The following DGKI variants were observed in gnomAD, a reference collection of about 807,000 sequenced individuals.
The protein encoded by DGKI is diacylglycerol kinase iota.
DGKI carries 55 observed loss-of-function variants against 147.5 expected under a neutral mutation model. That is an observed-to-expected ratio of 0.37 (90% CI 0.30 to 0.47). The LOEUF (loss-of-function observed/expected upper bound fraction) is 0.47, where lower values mean the gene tolerates loss of function less well. Among genes scored for constraint, DGKI ranks in the 20% least tolerant of loss-of-function variants. The pLI, the probability that DGKI is intolerant of heterozygous loss-of-function variation, is 1.00. For missense variants in DGKI, 1,007 were observed against 1,323.8 expected (o/e 0.76, Z 3.71); for synonymous variants, 469 against 477.1 (o/e 0.98, Z 0.22).
intron 20 of DGKI, among the ~76,000 whole-genome samples, chr7:137,523,434 T>TTC (rs372390366): frequency 6.0e-4 from 90 of 150,170 alleles, no homozygotes; most frequent in Middle Eastern, 7.0e-3. Flanking sequence ...CTCTCTCTCT[T>TTC]TCTCTCTCTC....
At chr7:137,487,540 A>G in intron 22 of DGKI, 70 bp downstream of exon 22, 1 of 1,351,292 alleles carries the variant, frequency 7.4e-7, no homozygotes, top group Non-Finnish European at 1.1e-6. Flanking sequence ...AGAAGCAAAT[A>G]TATATGGCTG....
At chr7:137,621,800 A>G (rs1047516048) in intron 7 of DGKI, among the ~76,000 whole-genome samples, 2 of 152,340 alleles carry the variant, frequency 1.3e-5, no homozygotes, top group African/African-American at 4.8e-5. Context: ...AATTAATTGA[A>G]TCTGGATAGA....
chr7:137,714,080 A>G (rs996543623), intron 1 of DGKI, among the ~76,000 whole-genome samples: 1 of 152,232 alleles, frequency 6.6e-6, no homozygotes, highest in African/African-American at 2.4e-5. Flanking sequence ...GGTATAATTT[A>G]TTTGAATGTA....
intron 1 of DGKI, among the ~76,000 whole-genome samples, chr7:137,828,250 T>A (rs1798116890): frequency 6.6e-6 from 1 of 152,268 alleles, no homozygotes; most frequent in Non-Finnish European, 1.5e-5. Context: ...GAAACAACTT[T>A]AAGGTAAAAA....
chr7:137,427,468 C>T (rs1812865871), intron 28 of DGKI, among the ~76,000 whole-genome samples: 1 of 152,032 alleles, frequency 6.6e-6, no homozygotes, highest in South Asian at 2.1e-4. Flanking sequence ...AAAATTGACA[C>T]CCTAACATCA....
chr7:137,441,285 G>A (rs1585118296), intron 28 of DGKI, among the ~76,000 whole-genome samples: 1 of 152,002 alleles, frequency 6.6e-6, no homozygotes. Context: ...GCCGGGCATG[G>A]TGGCGGCCGC....
rs185475062 is a variant in DGKI, at chr7:137,466,617, G to C, written c.2484+285C>G. Among the ~76,000 whole-genome samples the C allele has an allele frequency of 2.6e-5, 4 of 152,250 alleles. No homozygotes were observed. The East Asian group carries it at 7.7e-4, about 29-fold the overall frequency. On this transcript the variant is annotated intron_variant, in intron 25 of 32. Coordinates refer to ENST00000614521, the MANE Select transcript of DGKI (RefSeq NM_001321708.2). Reference sequence around the variant, plus strand: ...AGACATGAAATTTGGCTAAAAAGGAGTAAAAATATCTTTGTGAATGAAAAT... The same window carrying C: ...AGACATGAAATTTGGCTAAAAAGGACTAAAAATATCTTTGTGAATGAAAAT...
intron 28 of DGKI, among the ~76,000 whole-genome samples, chr7:137,432,008 C>T (rs528126957): frequency 3.6e-4 from 55 of 152,260 alleles, no homozygotes; most frequent in Non-Finnish European, 6.8e-4. Context: ...GGTGTTCTCA[C>T]GATAGTGAGT....
At chr7:137,532,647 C>G (rs1347204781) in intron 20 of DGKI, among the ~76,000 whole-genome samples, 2 of 152,166 alleles carry the variant, frequency 1.3e-5, no homozygotes, top group East Asian at 3.9e-4. Context: ...CAGATGTGTT[C>G]CCACCAGCCC....
At chr7:137,407,300 A>T (rs1158803580) in intron 30 of DGKI, among the ~76,000 whole-genome samples, 2 of 152,244 alleles carry the variant, frequency 1.3e-5, no homozygotes, top group African/African-American at 4.8e-5. Context: ...ACGATCTGGC[A>T]CCAACTATTA....
At chr7:137,679,258 A>C (rs964868025) in intron 2 of DGKI, among the ~76,000 whole-genome samples, 7 of 152,152 alleles carry the variant, frequency 4.6e-5, no homozygotes, top group Non-Finnish European at 1.0e-4. Flanking sequence ...TTACTTCTCA[A>C]TTTTTCAAAC....
intron 28 of DGKI, among the ~76,000 whole-genome samples, chr7:137,418,512 T>C (rs1812443287): frequency 6.6e-6 from 1 of 152,212 alleles, no homozygotes; most frequent in Non-Finnish European, 1.5e-5. Context: ...ATACAGAACT[T>C]GGCAAAGCCA....
chr7:137,691,798 G>GTTTTTTTTTTTTTTTTTTTTTTTT (rs796902464), intron 1 of DGKI, among the ~76,000 whole-genome samples: 7 of 95,820 alleles, frequency 7.3e-5, no homozygotes, highest in South Asian at 5.3e-4. Context: ...AGACCTTTGG[G>GTTTTTTTTTTTTTTTTTTTTTTTT]TTTTTTTTTT....
chr7:137,791,853 C>A (rs551573410), intron 1 of DGKI, among the ~76,000 whole-genome samples: 3 of 152,150 alleles, frequency 2.0e-5, no homozygotes, highest in Admixed American at 6.5e-5. Context: ...ATTATGCTGT[C>A]AAATTATCAT....
chr7:137,763,290 T>C (rs1476560642), intron 1 of DGKI, among the ~76,000 whole-genome samples: 1 of 152,242 alleles, frequency 6.6e-6, no homozygotes, highest in Non-Finnish European at 1.5e-5. Flanking sequence ...ATACAGTTTA[T>C]ATGCACCAGC....
chr7:137,463,376 C>T (rs528531450), intron 27 of DGKI, 113 bp downstream of exon 27: 1 of 1,445,904 alleles, frequency 6.9e-7, no homozygotes, highest in South Asian at 1.4e-5. Context: ...CTGCATGAGA[C>T]AGCCTGAGCG....
intron 27 of DGKI, among the ~76,000 whole-genome samples, chr7:137,451,017 G>C (rs1182081750): frequency 6.6e-6 from 1 of 152,018 alleles, no homozygotes; most frequent in Non-Finnish European, 1.5e-5. Flanking sequence ...TAATTTAACT[G>C]GTAAAAATTA....
At chr7:137,721,759 C>T (rs1436570533) in intron 1 of DGKI, among the ~76,000 whole-genome samples, 2 of 152,204 alleles carry the variant, frequency 1.3e-5, no homozygotes, top group African/African-American at 4.8e-5. Context: ...TGCTTAATAA[C>T]CAGGTTCAGC....
intron 1 of DGKI, among the ~76,000 whole-genome samples, chr7:137,746,334 C>A (rs1162299264): frequency 6.6e-6 from 1 of 152,142 alleles, no homozygotes; most frequent in Non-Finnish European, 1.5e-5. Context: ...AGAAAAGTCA[C>A]ATGAAGGTGA....
Sources: allele counts gnomAD v4.1 joint callset (sites outside exome capture counted in the v4.1 genomes callset), GRCh38; gene constraint gnomAD v4.1.1; transcripts MANE v1.5; gene names NCBI Gene and HGNC (gene_info 2026-07-23, HGNC 2026-07-21).